KIN: variants seen among roughly 807,000 people sequenced by gnomAD.
KIN encodes DNA/RNA-binding protein KIN17.
A neutral mutation model predicts 63.0 loss-of-function variants in KIN; 47 were observed. That is an observed-to-expected ratio of 0.75 (90% CI 0.59 to 0.95). The LOEUF (loss-of-function observed/expected upper bound fraction) is 0.95. Ranked by LOEUF, KIN falls within the 40% of genes least tolerant of loss-of-function variation. The pLI is 0.00. For synonymous variants in KIN, 160 were observed against 157.7 expected (o/e 1.01, Z -0.11); for missense variants, 408 against 460.9 (o/e 0.89, Z 1.05).
chr10:7,777,904 C>CAAAA (rs148544006), intron 5 of KIN, among the ~76,000 whole-genome samples: 10 of 148,306 alleles, frequency 6.7e-5, no homozygotes, highest in African/African-American at 1.5e-4. Flanking sequence ...GTCCCCCCCC[C>CAAAA]AAAAAAAAAA....
intron 10 of KIN, among the ~76,000 whole-genome samples, chr10:7,763,085 G>A (rs112153752): frequency 5.7e-4 from 87 of 151,904 alleles, no homozygotes; most frequent in African/African-American, 1.9e-3. Flanking sequence ...GTGAAACCCC[G>A]TTTCTACTAA....
At chr10:7,775,946 C>T (rs905563142) in intron 5 of KIN, 147 bp from the exon 6 acceptor site, 19 of 484,410 alleles carry the variant, frequency 3.9e-5, no homozygotes, top group Non-Finnish European at 5.5e-5. Context: ...TACATGCTTT[C>T]GGCCAGGCGC....
chr10:7,765,159 CAA>C (rs35343111), intron 9 of KIN, among the ~76,000 whole-genome samples: 18 of 93,278 alleles, frequency 1.9e-4, no homozygotes, highest in African/African-American at 4.3e-4. Flanking sequence ...AACTCCATCT[CAA>C]AAAAAAAAAA....
At chr10:7,758,122 G>A (rs749252299) in intron 12 of KIN, among the ~76,000 whole-genome samples, 7 of 146,468 alleles carry the variant, frequency 4.8e-5, no homozygotes, top group South Asian at 2.2e-4. Flanking sequence ...CACCCAGGCC[G>A]GAGTAAGTGG....
At position 7,767,646 on chromosome 10, in the gene KIN, C is replaced by T. The variant is rs1200543809; in HGVS notation, c.799-1543G>A. 2.0e-5 allele frequency among the ~76,000 whole-genome samples: 3 copies of T among 152,022 alleles called. No homozygotes were observed. In the East Asian group the frequency reaches 5.8e-4, roughly 29 times the overall value. ...GCCGAAGCGGGTGGATCACCTGAGG[C>T]CAGGAGTTCAAGATCAGCCTGGCCA... On this transcript the variant is annotated intron_variant, in intron 8 of 12. Coordinates refer to ENST00000379562, the MANE Select transcript of KIN (RefSeq NM_012311.4).
At position 7,754,432 on chromosome 10, in the gene KIN, A is replaced by G; in HGVS notation, c.*1648T>C. The G allele has an allele frequency of 5.4e-6, 1 of 184,432 alleles. No individual in the cohort carries two copies. The highest frequency in any genetic ancestry group is 1.1e-5 in the Non-Finnish European group (1 of 87,954). 11.4% of individuals were successfully genotyped at this position (184,432 alleles called of 1,614,324 possible). On this transcript the variant is annotated 3_prime_UTR_variant, in exon 13 of 13. Transcript: ENST00000379562. ...GGCAGATCATAAGGTCAAGAGATCG[A>G]GACCATCCTGGCCAACATGGTGAAA...
intron 7 of KIN, among the ~76,000 whole-genome samples, chr10:7,773,821 C>T (rs1369244445): frequency 6.6e-6 from 1 of 152,208 alleles, no homozygotes; most frequent in South Asian, 2.1e-4. Context: ...GTACTTGACT[C>T]TCTTGTCTTA....
chr10:7,762,611 A>G (rs1412129659), intron 10 of KIN, 55 bp from the exon 11 acceptor site: 4 of 909,138 alleles, frequency 4.4e-6, no homozygotes, highest in Admixed American at 2.2e-5. Flanking sequence ...ACACTCATTT[A>G]AAAGGTCAAA....
intron 11 of KIN, 63 bp downstream of exon 11, chr10:7,762,394 G>T: frequency 1.1e-6 from 1 of 910,080 alleles, no homozygotes; most frequent in Non-Finnish European, 1.7e-6. Flanking sequence ...AAATACAGTG[G>T]TTTGAAAATG....
At chr10:7,764,825 C>G (rs865864174) in intron 9 of KIN, among the ~76,000 whole-genome samples, 1 of 152,196 alleles carries the variant, frequency 6.6e-6, no homozygotes, top group African/African-American at 2.4e-5. Flanking sequence ...CCCTTATCCA[C>G]AGTAGATCTG....
intron 10 of KIN, among the ~76,000 whole-genome samples, chr10:7,763,230 T>A (rs1398493552): frequency 6.6e-6 from 1 of 152,174 alleles, no homozygotes; most frequent in Non-Finnish European, 1.5e-5. Flanking sequence ...CACTCCAGCC[T>A]GGGCAACAGA....
At chr10:7,778,464 G>T (rs773017599) in intron 5 of KIN, among the ~76,000 whole-genome samples, 3 of 152,196 alleles carry the variant, frequency 2.0e-5, no homozygotes, top group Non-Finnish European at 4.4e-5. Flanking sequence ...AAGCTGGCTG[G>T]GCACGGTGGC....
chr10:7,760,711 C>A (rs1835421095), intron 11 of KIN, among the ~76,000 whole-genome samples: 2 of 152,112 alleles, frequency 1.3e-5, no homozygotes. Context: ...TATTCTCAAT[C>A]TTTTACTGTG....
At chr10:7,775,902 AATAC>A in intron 5 of KIN, 103 bp from the exon 6 acceptor site, 2 of 641,492 alleles carry the variant, frequency 3.1e-6, no homozygotes, top group Non-Finnish European at 5.4e-6. Flanking sequence ...AGGCAGCTCT[AATAC>A]GCAAGTGATT....
intron 12 of KIN, among the ~76,000 whole-genome samples, chr10:7,756,841 A>G (rs1370855983): frequency 2.0e-5 from 3 of 152,190 alleles, no homozygotes; most frequent in Non-Finnish European, 4.4e-5. Flanking sequence ...AAAGAGTCCA[A>G]CTTTAACTTT....
At chr10:7,761,070 G>A (rs1181154048) in intron 11 of KIN, among the ~76,000 whole-genome samples, 4 of 152,174 alleles carry the variant, frequency 2.6e-5, no homozygotes, top group Admixed American at 6.5e-5. Context: ...GGAAGACAGA[G>A]GATGCAGGAG....
In KIN at chr10:7,755,969, G is replaced by C; in HGVS notation, c.*111C>G. On this transcript the variant is annotated 3_prime_UTR_variant, in exon 13 of 13. Transcript: ENST00000379562. ...TATACAGTAATATTTTCAAAAACCT[G>C]TTTGTTTTATACAAAAGAATATACC... is the stretch of plus-strand genomic sequence containing the variant. 2 of 585,232 alleles carry C rather than the reference G, an allele frequency of 3.4e-6. No individual in the cohort carries two copies. Among genetic ancestry groups the C allele is most frequent in the Non-Finnish European group, 3.0e-6 (1 of 337,210 alleles). 36.3% of individuals were successfully genotyped at this position (585,232 alleles called of 1,614,324 possible). A position where few individuals can be genotyped will look rare whatever the true frequency, so the allele number is the denominator to read the frequency against.
intron 1 of KIN, among the ~76,000 whole-genome samples, chr10:7,784,519 T>A (rs2131036990): frequency 6.6e-6 from 1 of 152,046 alleles, no homozygotes; most frequent in East Asian, 1.9e-4. Flanking sequence ...GCCCAGGAGT[T>A]GGAGGATGCT....
chr10:7,786,828 A>G (rs1836022444), intron 1 of KIN, among the ~76,000 whole-genome samples: 1 of 152,206 alleles, frequency 6.6e-6, no homozygotes, highest in African/African-American at 2.4e-5. Flanking sequence ...AAGACATTAG[A>G]TAATGCATAT....
Sources: allele counts gnomAD v4.1 joint callset (sites outside exome capture counted in the v4.1 genomes callset), GRCh38; gene constraint gnomAD v4.1.1; transcripts MANE v1.5; gene names NCBI Gene and HGNC (gene_info 2026-07-23, HGNC 2026-07-21).